Variants in PSPC1 observed in about 807,000 individuals in gnomAD.
PSPC1 encodes the protein paraspeckle component 1, also known as paraspeckle protein 1.
A neutral mutation model predicts 51.6 loss-of-function variants in PSPC1; 14 were observed. The observed-to-expected ratio is 0.27, with a 90% CI of 0.18 to 0.42. PSPC1 has a LOEUF of 0.42. Among genes scored for constraint, PSPC1 ranks in the 10% least tolerant of loss-of-function variants. PSPC1 has a pLI of 1.00. For synonymous variants in PSPC1, 193 were observed against 231.9 expected, an observed-to-expected ratio of 0.83 and a Z score of 1.53; for missense variants, 406 against 701.1, an observed-to-expected ratio of 0.58 and a Z score of 4.75.
At chr13:19,763,722 C>T (rs1593745822) in intron 2 of PSPC1, among the ~76,000 whole-genome samples, 1 of 152,256 alleles carries the variant, frequency 6.6e-6, no homozygotes, top group African/African-American at 2.4e-5. Context: ...TGAACTCGGC[C>T]AGGCGTGGTG....
chr13:19,773,842 G>T (rs921469249), intron 1 of PSPC1, among the ~76,000 whole-genome samples: 10 of 151,750 alleles, frequency 6.6e-5, no homozygotes, highest in Admixed American at 1.3e-4. Context: ...CTGTAGAGAT[G>T]GGGGGGTCTC....
downstream of PSPC1, chr13:19,674,494 C>G (rs1396302885): frequency 6.6e-6 from 1 of 152,172 alleles, no homozygotes; most frequent in Non-Finnish European, 1.5e-5. Flanking sequence ...ATGCATTATA[C>G]TGGGTAGCTT....
intron 2 of PSPC1, among the ~76,000 whole-genome samples, chr13:19,768,593 A>T (rs1411266037): frequency 6.6e-6 from 1 of 150,730 alleles, no homozygotes; most frequent in Non-Finnish European, 1.5e-5. Flanking sequence ...GCTTGCAGTG[A>T]GCCGAGATCA....
At position 19,722,323 on chromosome 13, in the gene PSPC1, T is replaced by G. The variant is rs570269134; in HGVS notation, c.1158+7916A>C. Among the ~76,000 whole-genome samples the G allele has an allele frequency of 6.6e-5, 10 of 150,746 alleles. No individual in the cohort carries two copies. The South Asian group carries it at 1.3e-3, about 19-fold the overall frequency. On this transcript the variant is annotated intron_variant, in intron 6 of 8. Coordinates refer to ENST00000338910, the MANE Select transcript of PSPC1 (RefSeq NM_001354909.2). ...ATCAACCTAGGGAACACAGTGAGAC[T>G]CCAACTCTACAAAAAAAATGTTTTT...
chr13:19,780,705 C>T (rs1363279870), intron 1 of PSPC1, among the ~76,000 whole-genome samples: 1 of 144,420 alleles, frequency 6.9e-6, no homozygotes, highest in African/African-American at 2.5e-5. Context: ...CCTAGGAAAA[C>T]CAGAGACCTT....
chr13:19,717,245 T>C (rs534601160), intron 6 of PSPC1, among the ~76,000 whole-genome samples: 4 of 151,914 alleles, frequency 2.6e-5, no homozygotes, highest in African/African-American at 9.7e-5. Context: ...CTGAACAATA[T>C]ACATCAGCAA....
intron 6 of PSPC1, among the ~76,000 whole-genome samples, chr13:19,684,309 T>G (rs765624299): frequency 6.6e-6 from 1 of 152,220 alleles, no homozygotes; most frequent in Non-Finnish European, 1.5e-5. Flanking sequence ...CATGATGGAC[T>G]ACGGTAACAA....
intron 4 of PSPC1, among the ~76,000 whole-genome samples, chr13:19,747,872 TAC>T (rs1886154220): frequency 6.6e-6 from 1 of 152,328 alleles, no homozygotes; most frequent in African/African-American, 2.4e-5. Flanking sequence ...TAAGATTAAT[TAC>T]AGTCTCTCCT....
At chr13:19,692,270 T>A (rs974659260) in intron 6 of PSPC1, among the ~76,000 whole-genome samples, 1 of 152,106 alleles carries the variant, frequency 6.6e-6, no homozygotes, top group Non-Finnish European at 1.5e-5. Flanking sequence ...ACCACAGGTT[T>A]GCGTCACCAT....
At chr13:19,728,941 TATAAAAA>T (rs1214158787) in intron 6 of PSPC1, among the ~76,000 whole-genome samples, 30 of 152,280 alleles carry the variant, frequency 2.0e-4, no homozygotes, top group African/African-American at 7.0e-4. Flanking sequence ...CCACAGACAC[TATAAAAA>T]GGTCAGAAAA....
Position 19,782,816 on chromosome 13 carries a change from T to C in PSPC1, c.-59A>G, listed in dbSNP as rs1890121841. 8 of 1,463,934 alleles carry C rather than the reference T, an allele frequency of 5.5e-6. No homozygotes were observed. In the South Asian group the frequency reaches 1.1e-4, roughly 21 times the overall value. The allele number at this position is 1,463,934 out of a possible 1,614,324, so 90.7% of individuals were successfully genotyped here. ...CCTAGATTTATAGACAGTGTGTCTA[T>C]ATATATGTATACGTCTCTACATAAA... is the stretch of plus-strand genomic sequence containing the variant. On this transcript the variant is annotated 5_prime_UTR_variant, in exon 1 of 9. The change creates a new upstream start codon in the 5' untranslated region. Transcript: ENST00000338910. This position sits in a 1 kb window ranked among gnomAD's most constrained non-coding sequence, Gnocchi z 4.5.
At chr13:19,772,213 A>T in intron 2 of PSPC1, 29 bp downstream of exon 2, 1 of 1,594,814 alleles carries the variant, frequency 6.3e-7, no homozygotes, top group Non-Finnish European at 8.5e-7. Context: ...GTAACTGGAT[A>T]GAAGAAGGAC....
intron 6 of PSPC1, among the ~76,000 whole-genome samples, chr13:19,692,163 G>A (rs1323533447): frequency 2.0e-5 from 3 of 152,094 alleles, no homozygotes; most frequent in East Asian, 1.9e-4. Flanking sequence ...TCACTCTATT[G>A]CCCAGGCTGG....
intron 6 of PSPC1, among the ~76,000 whole-genome samples, chr13:19,696,474 GAGT>G (rs752935463): frequency 7.9e-5 from 12 of 151,118 alleles, no homozygotes; most frequent in Admixed American, 2.0e-4. Flanking sequence ...GCATAATTTT[GAGT>G]AGGCCTTTAT....
intron 4 of PSPC1, among the ~76,000 whole-genome samples, chr13:19,750,755 G>C (rs1247873064): frequency 6.8e-6 from 1 of 148,106 alleles, no homozygotes; most frequent in Non-Finnish European, 1.5e-5. Context: ...ACTACTGCTT[G>C]CATAAGTAAA....
chr13:19,723,577 T>C (rs973886666), intron 6 of PSPC1, among the ~76,000 whole-genome samples: 11 of 152,214 alleles, frequency 7.2e-5, no homozygotes, highest in Non-Finnish European at 1.6e-4. Flanking sequence ...TTAGATATTA[T>C]TGAAACTATT....
chr13:19,774,243 T>C (rs1321530108), intron 1 of PSPC1, among the ~76,000 whole-genome samples: 1 of 152,164 alleles, frequency 6.6e-6, no homozygotes, highest in Non-Finnish European at 1.5e-5. Flanking sequence ...TCTTTTTCAT[T>C]GTGTTATGGG....
At chr13:19,759,633 G>C (rs1730561010) in intron 2 of PSPC1, among the ~76,000 whole-genome samples, 1 of 152,072 alleles carries the variant, frequency 6.6e-6, no homozygotes, top group Non-Finnish European at 1.5e-5. Flanking sequence ...GGCCAAGGAG[G>C]GCACATCATT....
At chr13:19,711,639 TA>T (rs143917566) in intron 6 of PSPC1, among the ~76,000 whole-genome samples, 977 of 80,922 alleles carry the variant, frequency 0.012, 11 homozygotes, top group African/African-American at 0.05. Flanking sequence ...CTCCGTCTCA[TA>T]AAAAAAAAAA....
Sources: gnomAD v4.1 joint callset for allele counts (sites outside exome capture counted in the v4.1 genomes callset) on GRCh38, gnomAD v4.1.1 for gene constraint, Gnocchi (gnomAD v3.1) non-coding constraint, MANE v1.5 for transcripts, NCBI Gene and HGNC (gene_info 2026-07-23, HGNC 2026-07-21) for gene names.